The following ARFGEF1 variants were observed in gnomAD, a reference collection of about 807,000 sequenced individuals.
ARFGEF1 encodes the protein brefeldin A-inhibited guanine nucleotide-exchange protein 1.
In ARFGEF1, 42 loss-of-function variants were observed where a neutral mutation model predicts 231.0. The observed-to-expected ratio is 0.18, with a 90% CI of 0.14 to 0.24. The LOEUF (loss-of-function observed/expected upper bound fraction) is 0.24. Ranked by LOEUF, ARFGEF1 falls within the 10% of genes least tolerant of loss-of-function variation. ARFGEF1 has a pLI of 1.00. For missense variants in ARFGEF1, 1,345 were observed against 2,192.0 expected, an observed-to-expected ratio of 0.61 and a Z score of 7.72; for synonymous variants, 710 against 732.3, an observed-to-expected ratio of 0.97 and a Z score of 0.49.
chr8:67,216,707 C>T, intron 32 of ARFGEF1, 45 bp from the exon 33 acceptor site: 3 of 1,453,354 alleles, frequency 2.1e-6, no homozygotes, highest in Non-Finnish European at 2.8e-6. Flanking sequence ...GGCTGTGCCA[C>T]ATGCCACATC....
At chr8:67,200,148 A>T (rs761986320) in intron 38 of ARFGEF1, 39 of 505,202 alleles carry the variant, frequency 7.7e-5, no homozygotes, top group South Asian at 6.3e-4. Flanking sequence ...ATCCCAAGGG[A>T]TTCTGATCCC....
At chr8:67,268,546 A>G (rs1425989194) in intron 10 of ARFGEF1, among the ~76,000 whole-genome samples, 2 of 152,132 alleles carry the variant, frequency 1.3e-5, no homozygotes, top group Admixed American at 6.5e-5. Context: ...ATTCCCTTCA[A>G]TGACATAATT....
At chr8:67,314,592 C>T (rs963476421) in intron 1 of ARFGEF1, among the ~76,000 whole-genome samples, 2 of 152,204 alleles carry the variant, frequency 1.3e-5, no homozygotes, top group Non-Finnish European at 2.9e-5. Context: ...TTTCCCACTT[C>T]TGCAGTTGGG....
At chr8:67,259,787 A>G (rs575347047) in intron 15 of ARFGEF1, 28 bp downstream of exon 15, 3 of 1,478,938 alleles carry the variant, frequency 2.0e-6, no homozygotes, top group Admixed American at 4.1e-5. Flanking sequence ...TTTTACAGAA[A>G]AGGTTAGAAT....
At chr8:67,224,295 T>TA (rs1419639791) in intron 29 of ARFGEF1, among the ~76,000 whole-genome samples, 2 of 152,016 alleles carry the variant, frequency 1.3e-5, no homozygotes, top group East Asian at 1.9e-4. Flanking sequence ...AAGTACAGGG[T>TA]AAAAAAACTA....
At chr8:67,236,521 G>A (rs947238717) in intron 22 of ARFGEF1, among the ~76,000 whole-genome samples, 5 of 151,152 alleles carry the variant, frequency 3.3e-5, no homozygotes, top group African/African-American at 1.2e-4. Flanking sequence ...TCTGACCTTG[G>A]TAGGCACAGG....
rs1225110023 is a variant in ARFGEF1 at position 67,271,040 on chromosome 8, A to G, written c.1572+662T>C. Among the ~76,000 whole-genome samples the G allele has an allele frequency of 5.6e-4, 77 of 137,046 alleles. 3 individuals carry two copies. The highest frequency in any genetic ancestry group is 1.0e-3 in the Admixed American group (14 of 13,418). The allele number at this position is 137,046 out of a possible 152,430, so 89.9% of individuals were successfully genotyped here. A position where few individuals can be genotyped will look rare whatever the true frequency, so the allele number is the denominator to read the frequency against. ...ACTCCATCTCCAAAAAAAAAAAAAA[A>G]AAAGGAAAAAGAAAAAAAAAAAAAG... On this transcript the variant is annotated intron_variant, in intron 10 of 38. Coordinates refer to ENST00000262215, the MANE Select transcript of ARFGEF1 (RefSeq NM_006421.5).
At chr8:67,298,476 T>C (rs1015444847) in intron 4 of ARFGEF1, among the ~76,000 whole-genome samples, 1 of 152,176 alleles carries the variant, frequency 6.6e-6, no homozygotes, top group Non-Finnish European at 1.5e-5. Context: ...GGATAAGTAG[T>C]GTCCACCTGG....
chr8:67,322,385 T>C (rs1057505573), intron 1 of ARFGEF1, among the ~76,000 whole-genome samples: 6 of 152,220 alleles, frequency 3.9e-5, no homozygotes, highest in Non-Finnish European at 8.8e-5. Flanking sequence ...CTAAAATCCA[T>C]TCATCCTTCT....
chr8:67,191,098 C>G (rs1476339722), intron 5 of ARFGEF1, among the ~76,000 whole-genome samples: 1 of 152,202 alleles, frequency 6.6e-6, no homozygotes, highest in East Asian at 1.9e-4. Flanking sequence ...TAACCTAATT[C>G]TGTGATATAG....
chr8:67,307,669 G>C (rs2128919532), intron 1 of ARFGEF1, among the ~76,000 whole-genome samples: 1 of 152,322 alleles, frequency 6.6e-6, no homozygotes, highest in South Asian at 2.1e-4. Context: ...GGATATTCAA[G>C]TGGCAATATT....
rs199865855 is a variant in ARFGEF1, at chr8:67,331,756, G to GA, written c.124+11407dup. On this transcript the variant is annotated intron_variant, in intron 1 of 38. Transcript: ENST00000262215. ...ACAGAAAAAAAAAATGCAAAGGAAA[G>GA]ATGAAGTGATAAAACACTGATCAAA... Among the ~76,000 whole-genome samples, 800 of 152,042 alleles carry GA rather than the reference G, an allele frequency of 5.3e-3. 4 individuals are homozygous for GA. Among genetic ancestry groups the GA allele is most frequent in the African/African-American group, 0.018 (736 of 41,488 alleles).
chr8:67,201,695 C>G, intron 36 of ARFGEF1, 90 bp from the exon 37 acceptor site: 1 of 1,546,826 alleles, frequency 6.5e-7, no homozygotes. Context: ...TTTGTTTGTG[C>G]TCAGCCATCA....
chr8:67,240,746 A>T (rs1839903694), intron 19 of ARFGEF1, among the ~76,000 whole-genome samples: 1 of 152,168 alleles, frequency 6.6e-6, no homozygotes, highest in Admixed American at 6.5e-5. Flanking sequence ...CCTAATTTTT[A>T]AAAAATAGTT....
chr8:67,179,735 G>T, intron 5 of ARFGEF1: 1 of 650,144 alleles, frequency 1.5e-6, no homozygotes, highest in South Asian at 1.9e-5. Flanking sequence ...AATGTAGTCA[G>T]TCCTACCTCT....
downstream of ARFGEF1, chr8:67,174,679 G>A (rs1056322431): frequency 2.0e-5 from 3 of 152,428 alleles, no homozygotes; most frequent in African/African-American, 7.3e-5. Context: ...GCAGGAGAAT[G>A]GCATGAACCC....
Position 67,296,580 on chromosome 8 carries a change from T to A in ARFGEF1, c.490A>T (p.Ile164Leu), listed in dbSNP as rs562671176. The A allele has an allele frequency of 8.7e-6, 14 of 1,612,756 alleles. No homozygotes were observed. The highest frequency in any genetic ancestry group is 1.1e-5 in the Non-Finnish European group (13 of 1,179,344). Reference protein sequence around the residue: ...ALLTAVTSQHIEIHEGTVLQA... With the variant: ...ALLTAVTSQHLEIHEGTVLQA... ...AGTACAGTCCCTTCATGAATTTCTA[T>A]GTGTTGTGATGTTACTGCAGTAAGT... is the stretch of plus-strand genomic sequence containing the variant. The change falls in exon 5 of 39, where the codon ATA becomes TTA. Residue 164 changes from isoleucine to leucine, a missense_variant. Ile to Leu is a conservative substitution (Grantham distance 5). Transcript: ENST00000262215.
chr8:67,321,404 C>A (rs548614609), intron 1 of ARFGEF1, among the ~76,000 whole-genome samples: 1 of 152,150 alleles, frequency 6.6e-6, no homozygotes, highest in Non-Finnish European at 1.5e-5. Flanking sequence ...AGAAGCTCCA[C>A]GGGTGATCTT....
At chr8:67,272,218 C>G (rs1805125196) in intron 9 of ARFGEF1, among the ~76,000 whole-genome samples, 1 of 152,126 alleles carries the variant, frequency 6.6e-6, no homozygotes, top group African/African-American at 2.4e-5. Flanking sequence ...GTCACCAAGG[C>G]TGGAGTGCAG....
Sources: allele counts gnomAD v4.1 joint callset (sites outside exome capture counted in the v4.1 genomes callset), GRCh38; gene constraint gnomAD v4.1.1; transcripts MANE v1.5; gene names NCBI Gene and HGNC (gene_info 2026-07-23, HGNC 2026-07-21).